The following SULF1 variants were observed in gnomAD, a reference collection of about 807,000 sequenced individuals.
SULF1 encodes extracellular sulfatase Sulf-1.
In SULF1, 46 loss-of-function variants were observed where a neutral mutation model predicts 110.5. The ratio of observed to expected loss-of-function variants is 0.42; its 90% CI spans 0.33 to 0.53. The LOEUF is 0.53. Among genes scored for constraint, SULF1 ranks in the 20% least tolerant of loss-of-function variants. SULF1 has a pLI of 0.12. For synonymous variants in SULF1, 371 were observed against 387.1 expected, an observed-to-expected ratio of 0.96 and a Z score of 0.49; for missense variants, 941 against 1,094.2, an observed-to-expected ratio of 0.86 and a Z score of 1.98.
At chr8:69,538,512 G>A (rs1237557247) in intron 3 of SULF1, among the ~76,000 whole-genome samples, 1 of 152,140 alleles carries the variant, frequency 6.6e-6, no homozygotes, top group African/African-American at 2.4e-5. Context: ...AGTTGAGTTG[G>A]TCTGAAAGCA....
intron 6 of SULF1, among the ~76,000 whole-genome samples, chr8:69,586,018 T>C (rs1806432387): frequency 6.6e-6 from 1 of 152,216 alleles, no homozygotes; most frequent in African/African-American, 2.4e-5. Context: ...TCACGCTACT[T>C]CTCTGATTGT....
chr8:69,573,265 T>G (rs1025749947), intron 5 of SULF1, among the ~76,000 whole-genome samples: 5 of 152,206 alleles, frequency 3.3e-5, no homozygotes, highest in African/African-American at 9.6e-5. Context: ...TTGGGAGCCC[T>G]ACACAATCAG....
intron 11 of SULF1, 76 bp from the exon 12 acceptor site, chr8:69,603,524 T>C: frequency 7.4e-7 from 1 of 1,349,722 alleles, no homozygotes; most frequent in Non-Finnish European, 1.1e-6. Context: ...GGTGTTTCTT[T>C]AAATAAGCTG....
Position 69,603,993 on chromosome 8 carries a change from C to T in SULF1, c.1247+337C>T, listed in dbSNP as rs146906179. On this transcript the variant is annotated intron_variant, in intron 12 of 22. Transcript: ENST00000402687. ...AAGTGAAGAATTGCAAAGTTCCCAACACAAGGAAAAGATAAATGAGATGAT... is the reference window on the plus strand; with the variant it reads ...AAGTGAAGAATTGCAAAGTTCCCAATACAAGGAAAAGATAAATGAGATGAT... 4.8e-3 allele frequency among the ~76,000 whole-genome samples: 736 copies of T among 152,280 alleles called. 6 individuals are homozygous for T. The highest frequency in any genetic ancestry group is 0.017 in the African/African-American group (699 of 41,568).
At chr8:69,602,112 A>G (rs1807865479) in intron 10 of SULF1, among the ~76,000 whole-genome samples, 1 of 152,166 alleles carries the variant, frequency 6.6e-6, no homozygotes, top group South Asian at 2.1e-4. Context: ...ACAGGATGTG[A>G]TCTTCTGGGA....
chr8:69,577,469 G>A (rs935232987), intron 6 of SULF1, among the ~76,000 whole-genome samples: 3 of 152,156 alleles, frequency 2.0e-5, no homozygotes, highest in Non-Finnish European at 4.4e-5. Context: ...ATTGTGTTTT[G>A]CTTCTGGGAA....
chr8:69,617,699 T>A (rs995786989), intron 13 of SULF1, among the ~76,000 whole-genome samples: 2 of 151,950 alleles, frequency 1.3e-5, no homozygotes, highest in Admixed American at 1.3e-4. Context: ...AATGGCAGAA[T>A]CATGAACAGG....
chr8:69,556,948 C>A (rs1409281848), intron 3 of SULF1, among the ~76,000 whole-genome samples: 1 of 152,100 alleles, frequency 6.6e-6, no homozygotes, highest in Non-Finnish European at 1.5e-5. Context: ...CAGGCCCCAG[C>A]GTGTGCTGTT....
At chr8:69,569,174 C>T (rs139540835) in intron 5 of SULF1, among the ~76,000 whole-genome samples, 336 of 152,210 alleles carry the variant, frequency 2.2e-3, no homozygotes, top group African/African-American at 7.7e-3. Context: ...ATCTCAGTAA[C>T]ATTGACCCGA....
intron 3 of SULF1, among the ~76,000 whole-genome samples, chr8:69,519,704 A>G (rs1020092784): frequency 6.6e-6 from 1 of 152,206 alleles, no homozygotes; most frequent in African/African-American, 2.4e-5. Context: ...TTCTGCCTCT[A>G]TGCAAGCAAA....
At position 69,617,403 on chromosome 8, in the gene SULF1, A is replaced by G. The variant is rs1563592143; in HGVS notation, c.1378-3632A>G. Among the ~76,000 whole-genome samples the G allele has an allele frequency of 2.1e-4, 14 of 67,826 alleles. 1 individual carries two copies. The highest frequency in any genetic ancestry group is 8.8e-4 in the African/African-American group (11 of 12,502). The allele number at this position is 67,826 out of a possible 152,430, so 44.5% of individuals were successfully genotyped here. ...TATATATATATATATATATATATAT[A>G]TATATATATATATATATATATATAT... On this transcript the variant is annotated intron_variant, in intron 13 of 22. Coordinates refer to ENST00000402687, the MANE Select transcript of SULF1 (RefSeq NM_001128205.2).
intron 3 of SULF1, among the ~76,000 whole-genome samples, chr8:69,523,870 G>C (rs535903882): frequency 6.6e-6 from 1 of 152,064 alleles, no homozygotes; most frequent in Non-Finnish European, 1.5e-5. Flanking sequence ...ACTCATAAGG[G>C]CTAGGGTTGA....
intron 22 of SULF1, among the ~76,000 whole-genome samples, chr8:69,656,103 C>A (rs1454816101): frequency 2.7e-5 from 4 of 148,390 alleles, no homozygotes; most frequent in Non-Finnish European, 6.0e-5. Flanking sequence ...TGAAGGAGAT[C>A]TGGACTGGAT....
intron 8 of SULF1, chr8:69,597,277 T>C (rs779866045): frequency 2.0e-5 from 3 of 152,302 alleles, no homozygotes; most frequent in Non-Finnish European, 4.4e-5. Context: ...TTCAACAACA[T>C]TGTCAATTCC....
chr8:69,510,002 C>G (rs912818080), intron 3 of SULF1, among the ~76,000 whole-genome samples: 2 of 152,224 alleles, frequency 1.3e-5, no homozygotes, highest in African/African-American at 2.4e-5. Context: ...TAGCCAACCT[C>G]TAAATGTGAC....
At chr8:69,544,826 G>T (rs1160282838) in intron 3 of SULF1, among the ~76,000 whole-genome samples, 2 of 152,042 alleles carry the variant, frequency 1.3e-5, no homozygotes, top group African/African-American at 2.4e-5. Flanking sequence ...TTACATTTAG[G>T]TAAGAAAATA....
At chr8:69,565,692 C>A (rs1417716235) in intron 5 of SULF1, among the ~76,000 whole-genome samples, 1 of 152,178 alleles carries the variant, frequency 6.6e-6, no homozygotes. Flanking sequence ...TCTCTCTGAT[C>A]AGATCACTTT....
At chr8:69,637,237 G>T (rs1356412818) in intron 19 of SULF1, among the ~76,000 whole-genome samples, 1 of 152,164 alleles carries the variant, frequency 6.6e-6, no homozygotes, top group Non-Finnish European at 1.5e-5. Flanking sequence ...CAGCTTCAAT[G>T]ATTGCTCTCA....
At chr8:69,490,055 C>T (rs529933746), upstream of SULF1, among the ~76,000 whole-genome samples, 74 of 151,518 alleles carry the variant, frequency 4.9e-4, no homozygotes, top group African/African-American at 1.6e-3. Context: ...AGTTATACCA[C>T]GTTGGACAAG....
Sources: allele counts gnomAD v4.1 joint callset (sites outside exome capture counted in the v4.1 genomes callset), GRCh38; gene constraint gnomAD v4.1.1; transcripts MANE v1.5; gene names NCBI Gene and HGNC (gene_info 2026-07-23, HGNC 2026-07-21).